The following CEP43 variants were observed in gnomAD, a reference collection of about 807,000 sequenced individuals.
CEP43 encodes FGFR1 oncogene partner.
Under a neutral mutation model 52.6 loss-of-function variants are expected in CEP43, and 36 were observed. The ratio of observed to expected loss-of-function variants is 0.68; its 90% CI spans 0.52 to 0.90. CEP43 has a LOEUF of 0.90. Ranked by LOEUF, CEP43 falls within the 40% of genes least tolerant of loss-of-function variation. The probability of loss-of-function intolerance (pLI) is 0.00; values close to 1 mark genes in which losing one functional copy is unlikely to be tolerated. For missense variants in CEP43, 506 were observed against 472.8 expected (o/e 1.07, Z -0.65); for synonymous variants, 192 against 172.4 (o/e 1.11, Z -0.89).
rs1285008108 is a variant in CEP43, at chr6:167,041,141, A to G, written c.*1163A>G. 24 of 1,043,864 alleles carry G rather than the reference A, an allele frequency of 2.3e-5. No homozygotes were observed. The highest frequency in any genetic ancestry group is 2.5e-5 in the Non-Finnish European group (22 of 865,986). 64.7% of individuals were successfully genotyped at this position (1,043,864 alleles called of 1,614,324 possible). On this transcript the variant is annotated 3_prime_UTR_variant, in exon 13 of 13. Coordinates refer to ENST00000366847, the MANE Select transcript of CEP43 (RefSeq NM_007045.4). ...TACTACAAGTTAACTTTATTAGTAA[A>G]AGGAGCAAATTAGACCTAATTCATT...
intron 7 of CEP43, among the ~76,000 whole-genome samples, chr6:167,015,749 A>G (rs1002350491): frequency 2.6e-5 from 4 of 152,200 alleles, no homozygotes; most frequent in Middle Eastern, 3.2e-3. Flanking sequence ...AGCTATATTC[A>G]TATTATAAAT....
chr6:167,015,552 A>G (rs981415109), intron 7 of CEP43, among the ~76,000 whole-genome samples: 1 of 152,206 alleles, frequency 6.6e-6, no homozygotes, highest in African/African-American at 2.4e-5. Flanking sequence ...ATGCAAAGCC[A>G]TCATGGGAGC....
At chr6:167,024,739 C>T in intron 8 of CEP43, 43 bp from the exon 9 acceptor site, 1 of 1,332,896 alleles carries the variant, frequency 7.5e-7, no homozygotes, top group Non-Finnish European at 1.1e-6. Flanking sequence ...TGTTTAGTGG[C>T]AGAACATAAG....
intron 5 of CEP43, among the ~76,000 whole-genome samples, chr6:167,008,454 G>A (rs916364178): frequency 2.0e-5 from 3 of 151,848 alleles, no homozygotes; most frequent in Admixed American, 2.0e-4. Flanking sequence ...CACAGTCTAA[G>A]GCATTGTGAT....
chr6:167,006,600 A>T (rs909938517), intron 5 of CEP43, among the ~76,000 whole-genome samples: 50 of 152,232 alleles, frequency 3.3e-4, no homozygotes, highest in Non-Finnish European at 2.2e-4. Context: ...TTTACATTGT[A>T]TTAGATATAA....
rs368257518 is a variant in CEP43 at position 167,046,206 on chromosome 6, T to C, written c.*6228T>C. On this transcript the variant is annotated 3_prime_UTR_variant, in exon 13 of 13. Coordinates refer to ENST00000366847, the MANE Select transcript of CEP43 (RefSeq NM_007045.4). ...TCTGAGCGTGAATTACATTCTCCAA[T>C]ATTTTTATTTGTCATGATTTATTGC... The C allele has an allele frequency of 1.7e-5, 1 of 57,826 alleles. No homozygotes were observed. The highest frequency in any genetic ancestry group is 4.9e-4 in the East Asian group (1 of 2,024). 3.6% of individuals were successfully genotyped at this position (57,826 alleles called of 1,614,324 possible). A position where few individuals can be genotyped will look rare whatever the true frequency, so the allele number is the denominator to read the frequency against.
At chr6:167,028,286 C>T (rs1780395752) in intron 10 of CEP43, 1 of 985,232 alleles carries the variant, frequency 1.0e-6, no homozygotes, top group South Asian at 4.7e-5. Flanking sequence ...GAATTGTCAT[C>T]CTCAGGAGGG....
chr6:167,045,737 A>AAAC lies in CEP43; in HGVS notation c.*5772_*5774dup, dbSNP rs539646233. 3,106 of 152,548 alleles carry AAAC rather than the reference A, an allele frequency of 0.02. 56 individuals are homozygous for AAAC. The highest frequency in any genetic ancestry group is 0.034 in the Middle Eastern group (10 of 294). 9.4% of individuals were successfully genotyped at this position (152,548 alleles called of 1,614,324 possible). ...GTGACAGAGCGAGACTCCGTCTCAA[A>AAAC]AACAACAACAACAACGAAAAAACGA... On this transcript the variant is annotated 3_prime_UTR_variant, in exon 13 of 13. Coordinates refer to ENST00000366847, the MANE Select transcript of CEP43 (RefSeq NM_007045.4).
chr6:167,022,249 G>C (rs1780251442), intron 7 of CEP43, among the ~76,000 whole-genome samples, 160 bp from the exon 8 acceptor site: 1 of 139,158 alleles, frequency 7.2e-6, no homozygotes, highest in South Asian at 2.4e-4. Context: ...ACGCTGCTGA[G>C]AGCTGCCCCA....
intron 1 of CEP43, 62 bp downstream of exon 1, chr6:166,999,576 T>G: frequency 1.6e-6 from 2 of 1,215,224 alleles, no homozygotes; most frequent in Non-Finnish European, 2.2e-6. Context: ...ACAGCGGGCG[T>G]CACAACGGTC....
chr6:167,020,824 G>A (rs1033400175), intron 7 of CEP43, among the ~76,000 whole-genome samples: 30 of 149,674 alleles, frequency 2.0e-4, no homozygotes, highest in South Asian at 1.7e-3. Flanking sequence ...CAGGAGAATC[G>A]CTTGAATCTG....
rs1780862487 is a variant in CEP43 at position 167,050,875 on chromosome 6, A to G, written c.*10897A>G. 6.6e-6 allele frequency: 1 copy of G among 151,860 alleles called. No homozygotes were observed. The highest frequency in any genetic ancestry group is 2.4e-5 in the African/African-American group (1 of 41,322). The allele number at this position is 151,860 out of a possible 1,614,324, so 9.4% of individuals were successfully genotyped here. A position where few individuals can be genotyped will look rare whatever the true frequency, so the allele number is the denominator to read the frequency against. On this transcript the variant is annotated 3_prime_UTR_variant, in exon 13 of 13. Coordinates refer to ENST00000366847, the MANE Select transcript of CEP43 (RefSeq NM_007045.4). ...TTTGCCTGCTGCCCAGATAGAGCCG[A>G]TTTATGAGGACAGGGAAATTGCAAT... is the stretch of plus-strand genomic sequence containing the variant.
chr6:167,016,971 TTTTA>T (rs201854688), intron 7 of CEP43, among the ~76,000 whole-genome samples: 37 of 151,028 alleles, frequency 2.4e-4, no homozygotes, highest in East Asian at 5.9e-4. Flanking sequence ...ATAATACAAA[TTTTA>T]TTTATTATTT....
intron 6 of CEP43, among the ~76,000 whole-genome samples, chr6:167,011,367 A>G (rs1281797748): frequency 2.0e-5 from 3 of 152,134 alleles, no homozygotes; most frequent in African/African-American, 4.8e-5. Flanking sequence ...AAGAAAATGT[A>G]TGTACTTTGG....
At chr6:167,007,306 G>A (rs3798308) in intron 5 of CEP43, among the ~76,000 whole-genome samples, 2,803 of 152,224 alleles carry the variant, frequency 0.018, 47 homozygotes, top group East Asian at 0.091. Flanking sequence ...ATTCTGACTC[G>A]TGGATTTGAG....
intron 10 of CEP43, chr6:167,028,066 T>A (rs1780391475): frequency 8.1e-6 from 8 of 985,520 alleles, no homozygotes; most frequent in African/African-American, 1.7e-5. Context: ...AGATGTTCTT[T>A]TCCACTAAAT....
chr6:167,018,588 A>G (rs1454545757), intron 7 of CEP43, among the ~76,000 whole-genome samples: 1 of 152,072 alleles, frequency 6.6e-6, no homozygotes, highest in African/African-American at 2.4e-5. Context: ...ACGGGGTTCC[A>G]CTATGTTGGC....
intron 12 of CEP43, among the ~76,000 whole-genome samples, chr6:167,035,355 A>C (rs190458041): frequency 4.6e-5 from 7 of 152,322 alleles, no homozygotes; most frequent in Non-Finnish European, 1.0e-4. Context: ...GTAAGAATAC[A>C]GCAGACAATC....
intron 6 of CEP43, among the ~76,000 whole-genome samples, chr6:167,011,187 TTTAC>T (rs774327267): frequency 2.6e-5 from 4 of 152,194 alleles, no homozygotes; most frequent in African/African-American, 4.8e-5. Context: ...AACAAGGAGA[TTTAC>T]TTACTTTTCA....
Sources: allele counts gnomAD v4.1 joint callset (sites outside exome capture counted in the v4.1 genomes callset), GRCh38; gene constraint gnomAD v4.1.1; transcripts MANE v1.5; gene names NCBI Gene and HGNC (gene_info 2026-07-23, HGNC 2026-07-21).